The following PDE10A variants were observed in gnomAD, a reference collection of about 807,000 sequenced individuals.
PDE10A encodes cAMP and cAMP-inhibited cGMP 3',5'-cyclic phosphodiesterase 10A.
In PDE10A, 39 loss-of-function variants were observed where a neutral mutation model predicts 97.7. The ratio of observed to expected loss-of-function variants is 0.40; its 90% confidence interval spans 0.31 to 0.52. The LOEUF (loss-of-function observed/expected upper bound fraction) is 0.52. Ranked by LOEUF, PDE10A falls within the 20% of genes least tolerant of loss-of-function variation. The pLI, the probability that PDE10A is intolerant of heterozygous loss-of-function variation, is 0.56. For synonymous variants in PDE10A, 371 were observed against 376.8 expected (o/e 0.98, Z 0.18); for missense variants, 731 against 1,047.8 (o/e 0.70, Z 4.17).
At chr6:165,932,790 G>T (rs571899851) in intron 1 of PDE10A, among the ~76,000 whole-genome samples, 2 of 152,316 alleles carry the variant, frequency 1.3e-5, no homozygotes, top group Non-Finnish European at 2.9e-5. Flanking sequence ...ACTTTTTGAG[G>T]GATAACTGGT....
chr6:165,507,517 C>G, intron 2 of PDE10A, among the ~76,000 whole-genome samples: 1 of 152,172 alleles, frequency 6.6e-6, no homozygotes, highest in South Asian at 2.1e-4. Flanking sequence ...CCAACTACAC[C>G]AAGCCCAAGT....
intron 2 of PDE10A, among the ~76,000 whole-genome samples, chr6:165,500,796 C>CGGT (rs1780824674): frequency 6.6e-6 from 1 of 151,982 alleles, no homozygotes. Flanking sequence ...TAGAATGTCT[C>CGGT]GGTGTAAAAC....
At chr6:165,367,805 A>T (rs1783909285) in intron 18 of PDE10A, among the ~76,000 whole-genome samples, 1 of 151,562 alleles carries the variant, frequency 6.6e-6, no homozygotes. Context: ...AGATTAAAAA[A>T]AAACAAAAAC....
At chr6:165,931,071 A>G (rs955625949) in intron 1 of PDE10A, among the ~76,000 whole-genome samples, 6 of 152,242 alleles carry the variant, frequency 3.9e-5, no homozygotes, top group Non-Finnish European at 7.3e-5. Context: ...CGCATTTCAA[A>G]TATGACTTGA....
At chr6:165,543,611 C>A in intron 1 of PDE10A, 43 bp from the exon 2 acceptor site, 1 of 1,500,426 alleles carries the variant, frequency 6.7e-7, no homozygotes, top group Non-Finnish European at 9.2e-7. Context: ...TATACAACAT[C>A]CTCATATCAA....
At chr6:165,421,254 C>T (rs1788673058) in intron 10 of PDE10A, among the ~76,000 whole-genome samples, 1 of 152,066 alleles carries the variant, frequency 6.6e-6, no homozygotes, top group Non-Finnish European at 1.5e-5. Context: ...CCAGCCTAGG[C>T]AACATGGCGA....
chr6:165,869,079 C>T (rs753641412), intron 1 of PDE10A, among the ~76,000 whole-genome samples: 3 of 151,946 alleles, frequency 2.0e-5, no homozygotes, highest in African/African-American at 7.2e-5. Context: ...TATTCAACAT[C>T]GTGCTGGAAG....
At chr6:165,376,860 A>G (rs1784634012) in intron 18 of PDE10A, among the ~76,000 whole-genome samples, 1 of 152,216 alleles carries the variant, frequency 6.6e-6, no homozygotes, top group Non-Finnish European at 1.5e-5. Context: ...TTGAGGCTGC[A>G]GTGAGCTATG....
chr6:165,513,324 T>A (rs1461784571), intron 2 of PDE10A, among the ~76,000 whole-genome samples: 4 of 152,136 alleles, frequency 2.6e-5, no homozygotes, highest in African/African-American at 9.6e-5. Context: ...TGTTTTGGCA[T>A]CTTTGTTGAA....
intron 1 of PDE10A, among the ~76,000 whole-genome samples, chr6:165,837,195 A>G (rs1417942100): frequency 6.7e-6 from 1 of 148,154 alleles, no homozygotes; most frequent in African/African-American, 2.5e-5. Flanking sequence ...AACTTAAAGT[A>G]TAATAAAAAA....
At chr6:165,713,062 G>A (rs1005670847) in intron 1 of PDE10A, among the ~76,000 whole-genome samples, 7 of 152,194 alleles carry the variant, frequency 4.6e-5, no homozygotes, top group Admixed American at 3.9e-4. Context: ...GAATTGCCAC[G>A]GCCTTGGTCA....
intron 1 of PDE10A, among the ~76,000 whole-genome samples, chr6:165,828,211 T>C (rs1449301201): frequency 1.3e-5 from 2 of 152,216 alleles, no homozygotes; most frequent in Non-Finnish European, 2.9e-5. Context: ...GAATTAGAAG[T>C]GTGAATTATT....
At chr6:165,873,558 A>G (rs1439274746) in intron 1 of PDE10A, among the ~76,000 whole-genome samples, 1 of 151,350 alleles carries the variant, frequency 6.6e-6, no homozygotes, top group African/African-American at 2.4e-5. Context: ...ATCTCATTTT[A>G]AAAACTGAGC....
intron 1 of PDE10A, among the ~76,000 whole-genome samples, chr6:165,759,030 G>A (rs1303141323): frequency 3.3e-5 from 5 of 152,224 alleles, no homozygotes; most frequent in African/African-American, 1.2e-4. Flanking sequence ...CCAAATGCTA[G>A]TGATGTCCGT....
chr6:165,810,651 A>G (rs1409224083), intron 1 of PDE10A, among the ~76,000 whole-genome samples: 2 of 152,114 alleles, frequency 1.3e-5, no homozygotes, highest in Non-Finnish European at 2.9e-5. Context: ...GCAGAGGTTC[A>G]GCCTACCCTA....
At chr6:165,724,802 G>A (rs540412905) in intron 1 of PDE10A, among the ~76,000 whole-genome samples, 61 of 152,298 alleles carry the variant, frequency 4.0e-4, no homozygotes, top group Non-Finnish European at 6.2e-4. Context: ...TTTGGGAGTC[G>A]AGAGACTCCT....
chr6:165,952,304 C>T (rs928472949), intron 1 of PDE10A, among the ~76,000 whole-genome samples: 2 of 152,206 alleles, frequency 1.3e-5, no homozygotes, highest in African/African-American at 2.4e-5. Context: ...ACATGTCTCA[C>T]GGAGCATAAC....
chr6:165,429,302 A>G (rs1311512344), intron 9 of PDE10A, among the ~76,000 whole-genome samples: 2 of 152,094 alleles, frequency 1.3e-5, no homozygotes, highest in African/African-American at 2.4e-5. Flanking sequence ...TAAAATGTCA[A>G]TCTGAAAAAA....
intron 1 of PDE10A, among the ~76,000 whole-genome samples, chr6:165,729,506 G>A (rs1583004039): frequency 6.6e-6 from 1 of 152,100 alleles, no homozygotes; most frequent in Non-Finnish European, 1.5e-5. Flanking sequence ...TACCACAGGG[G>A]GGCAGCAACC....
Sources: gnomAD v4.1 joint callset for allele counts (sites outside exome capture counted in the v4.1 genomes callset) on GRCh38, gnomAD v4.1.1 for gene constraint, MANE v1.5 for transcripts, NCBI Gene and HGNC (gene_info 2026-07-23, HGNC 2026-07-21) for gene names.